SFMBT2: variants seen among roughly 807,000 people sequenced by gnomAD.
SFMBT2 encodes scm-like with four MBT domains protein 2.
Under a neutral mutation model 110.1 loss-of-function variants are expected in SFMBT2, and 38 were observed. The observed-to-expected ratio is 0.35, with a 90% confidence interval of 0.27 to 0.45. SFMBT2 has a LOEUF of 0.45. Among genes scored for constraint, SFMBT2 ranks in the 20% least tolerant of loss-of-function variants. The pLI is 1.00. For missense variants in SFMBT2, 1,011 were observed against 1,094.9 expected (o/e 0.92, Z 1.08); for synonymous variants, 425 against 425.4 (o/e 1.00, Z 0.01).
At chr10:7,378,133 G>T in intron 2 of SFMBT2, among the ~76,000 whole-genome samples, 1 of 149,966 alleles carries the variant, frequency 6.7e-6, no homozygotes, top group African/African-American at 2.5e-5. Flanking sequence ...TGTGAGTGTG[G>T]GTGTGAGTGT....
chr10:7,279,059 C>G (rs1841865726), intron 6 of SFMBT2, among the ~76,000 whole-genome samples: 1 of 151,208 alleles, frequency 6.6e-6, no homozygotes, highest in Non-Finnish European at 1.5e-5. Context: ...TGAGATTGTG[C>G]CACTGCACTG....
intron 1 of SFMBT2, among the ~76,000 whole-genome samples, chr10:7,382,607 C>A (rs180732579): frequency 3.3e-5 from 5 of 151,918 alleles, no homozygotes; most frequent in African/African-American, 4.8e-5. Context: ...ACACTCCCCC[C>A]GCCTTGAAGC....
At chr10:7,344,000 C>T (rs1157884742) in intron 4 of SFMBT2, among the ~76,000 whole-genome samples, 1 of 152,124 alleles carries the variant, frequency 6.6e-6, no homozygotes, top group Non-Finnish European at 1.5e-5. Flanking sequence ...AGATCATAGG[C>T]CAATTCACAA....
In SFMBT2 at chr10:7,159,098, C is replaced by T. The variant is rs931341803; in HGVS notation, c.*4672G>A. 4 of 152,142 alleles carry T rather than the reference C, an allele frequency of 2.6e-5. No homozygotes were observed. The highest frequency in any genetic ancestry group is 6.5e-5 in the Admixed American group (1 of 15,276). The allele number at this position is 152,142 out of a possible 1,614,324, so 9.4% of individuals were successfully genotyped here. On this transcript the variant is annotated 3_prime_UTR_variant, in exon 21 of 21. Transcript: ENST00000397167. ...AATTTTCCTTTTTTCGTCAGCACATCGCTTCAGCCACACAAAAAGCACTGC... is the reference window on the plus strand; with the variant it reads ...AATTTTCCTTTTTTCGTCAGCACATTGCTTCAGCCACACAAAAAGCACTGC...
Position 7,172,262 on chromosome 10 carries a change from T to G in SFMBT2, c.2152-104A>C. 4.8e-6 allele frequency: 7 copies of G among 1,465,458 alleles called. No individual in the cohort carries two copies. Among genetic ancestry groups the G allele is most frequent in the Non-Finnish European group, 6.3e-6 (7 of 1,110,888 alleles). 90.8% of individuals were successfully genotyped at this position (1,465,458 alleles called of 1,614,324 possible). ...CCAGTGCAGACCACCTAGCAAACCC[T>G]CGGAAATGGAGCCAGTGGTCCCACC... On this transcript the variant is annotated intron_variant, in intron 18 of 20. Coordinates refer to ENST00000397167, the MANE Select transcript of SFMBT2 (RefSeq NM_001387889.1). The surrounding 1 kb of genome is among the most constrained non-coding windows in gnomAD (Gnocchi z 4.6).
At chr10:7,211,584 C>T (rs1018737144) in intron 11 of SFMBT2, among the ~76,000 whole-genome samples, 3 of 152,126 alleles carry the variant, frequency 2.0e-5, no homozygotes, top group African/African-American at 4.8e-5. Flanking sequence ...CGGGATTAAA[C>T]GCCTCTTCCC....
At position 7,171,124 on chromosome 10, in the gene SFMBT2, T is replaced by C; in HGVS notation, c.2416-68A>G. 6.2e-7 allele frequency: 1 copy of C among 1,606,820 alleles called. No homozygotes were observed. Among genetic ancestry groups the C allele is most frequent in the Non-Finnish European group, 8.5e-7 (1 of 1,176,482 alleles). On this transcript the variant is annotated intron_variant, in intron 19 of 20. Coordinates refer to ENST00000397167, the MANE Select transcript of SFMBT2 (RefSeq NM_001387889.1). The surrounding 1 kb of genome is among the most constrained non-coding windows in gnomAD (Gnocchi z 4.9). ...GCTGGCTGGGTCCTCTCCAGCACTC[T>C]CCAGGCCTCGGCCGTTCCTGGCCGG...
rs934631510 is a variant in SFMBT2, at chr10:7,160,153, T to C, written c.*3617A>G. The C allele has an allele frequency of 5.9e-5, 9 of 152,212 alleles. No individual in the cohort carries two copies. Among genetic ancestry groups the C allele is most frequent in the African/African-American group, 2.2e-4 (9 of 41,450 alleles). 9.4% of individuals were successfully genotyped at this position (152,212 alleles called of 1,614,324 possible). ...TCCAACTTGGATCAAATGACTCTAA[T>C]TTTGAAAGTGATGGATGAGTTCCCC... On this transcript the variant is annotated 3_prime_UTR_variant, in exon 21 of 21. Transcript: ENST00000397167.
chr10:7,356,098 C>A (rs1409564868), intron 4 of SFMBT2, among the ~76,000 whole-genome samples: 1 of 152,172 alleles, frequency 6.6e-6, no homozygotes, highest in African/African-American at 2.4e-5. Context: ...CCATTTGAGC[C>A]TGATGTGTAG....
rs200287315 is a variant in SFMBT2, at chr10:7,299,544, TG to T, written c.437-13591del. Among the ~76,000 whole-genome samples, 478 of 152,256 alleles carry T rather than the reference TG, an allele frequency of 3.1e-3. 21 individuals carry two copies. In the East Asian group the frequency reaches 0.073, roughly 23 times the overall value. On this transcript the variant is annotated intron_variant, in intron 4 of 20. Transcript: ENST00000397167. ...AAAACCATAATGAGATACCATCTCA[TG>T]CCAGTCAGAATGGTGATTATTAAAA... is the stretch of plus-strand genomic sequence containing the variant.
At chr10:7,203,305 C>G (rs1231998526) in intron 12 of SFMBT2, 1 of 168,714 alleles carries the variant, frequency 5.9e-6, no homozygotes, top group Non-Finnish European at 1.2e-5. Context: ...GATCCCGCTA[C>G]TCTTGACTAT....
chr10:7,162,622 C>T lies in SFMBT2; in HGVS notation c.*1148G>A, dbSNP rs1837578647. 6.6e-6 allele frequency: 1 copy of T among 152,188 alleles called. No homozygotes were observed. The allele number at this position is 152,188 out of a possible 1,614,324, so 9.4% of individuals were successfully genotyped here. ...ACGTAGCTGGTTGATGAAATGCTTC[C>T]CTCACATCTCTTTCCCTTCCTCCTC... On this transcript the variant is annotated 3_prime_UTR_variant, in exon 21 of 21. Coordinates refer to ENST00000397167, the MANE Select transcript of SFMBT2 (RefSeq NM_001387889.1).
At chr10:7,235,751 C>T (rs1840232705) in intron 9 of SFMBT2, among the ~76,000 whole-genome samples, 2 of 152,096 alleles carry the variant, frequency 1.3e-5, no homozygotes. Flanking sequence ...GATAAAAATA[C>T]AGTGAGGATA....
At chr10:7,322,381 A>G (rs1401813187) in intron 4 of SFMBT2, among the ~76,000 whole-genome samples, 1 of 152,160 alleles carries the variant, frequency 6.6e-6, no homozygotes, top group African/African-American at 2.4e-5. Context: ...ATTTCTTCAT[A>G]ACAGTATGAA....
At position 7,353,860 on chromosome 10, in the gene SFMBT2, C is replaced by T. The variant is rs962921733; in HGVS notation, c.436+13789G>A. 4.7e-4 allele frequency among the ~76,000 whole-genome samples: 71 copies of T among 152,098 alleles called. 1 individual carries two copies. The highest frequency in any genetic ancestry group is 1.6e-3 in the African/African-American group (66 of 41,476). The stretch of plus-strand genomic sequence containing the variant: ...CAGCACTTTGGGAGGCCGAGGTAGG[C>T]GGATCACCTGAGGTCAGCAGTTCGA... On this transcript the variant is annotated intron_variant, in intron 4 of 20. Coordinates refer to ENST00000397167, the MANE Select transcript of SFMBT2 (RefSeq NM_001387889.1).
chr10:7,371,659 A>G (rs1845067868), intron 2 of SFMBT2, among the ~76,000 whole-genome samples: 1 of 152,338 alleles, frequency 6.6e-6, no homozygotes, highest in South Asian at 2.1e-4. Flanking sequence ...AGAACATACA[A>G]CAGAAAGAGC....
At position 7,170,382 on chromosome 10, in the gene SFMBT2, CT is replaced by C. The variant is rs1331213026; in HGVS notation, c.2544+545del. 1.3e-5 allele frequency among the ~76,000 whole-genome samples: 2 copies of C among 152,194 alleles called. No individual in the cohort carries two copies. The highest frequency in any genetic ancestry group is 2.9e-5 in the Non-Finnish European group (2 of 68,030). On this transcript the variant is annotated intron_variant, in intron 20 of 20. Transcript: ENST00000397167. This position sits in a 1 kb window ranked among gnomAD's most constrained non-coding sequence, Gnocchi z 4.6. ...ACAAAAAACCGTGAGACAGCAGCATCTCTTCTGCAGCTGAACATCACAGGGA... is the reference window on the plus strand; with the variant it reads ...ACAAAAAACCGTGAGACAGCAGCATCCTTCTGCAGCTGAACATCACAGGGA...
chr10:7,236,773 A>T (rs2131700511), intron 9 of SFMBT2, among the ~76,000 whole-genome samples: 1 of 152,370 alleles, frequency 6.6e-6, no homozygotes, highest in African/African-American at 2.4e-5. Context: ...TGGCTGTTTG[A>T]CTACATTACA....
At chr10:7,271,548 G>A (rs1841584028) in intron 7 of SFMBT2, among the ~76,000 whole-genome samples, 1 of 152,142 alleles carries the variant, frequency 6.6e-6, no homozygotes, top group South Asian at 2.1e-4. Flanking sequence ...ACCAACAGAG[G>A]CTCAAGTTCA....
Sources: gnomAD v4.1 joint callset for allele counts (sites outside exome capture counted in the v4.1 genomes callset) on GRCh38, gnomAD v4.1.1 for gene constraint, Gnocchi (gnomAD v3.1) non-coding constraint, MANE v1.5 for transcripts, NCBI Gene and HGNC (gene_info 2026-07-23, HGNC 2026-07-21) for gene names.